Variants in DIAPH3 observed in about 807,000 individuals in gnomAD.
DIAPH3 encodes protein diaphanous homolog 3.
A neutral mutation model predicts 144.3 loss-of-function variants in DIAPH3; 117 were observed. The observed-to-expected ratio is 0.81, with a 90% CI of 0.70 to 0.95. DIAPH3 has a LOEUF of 0.95. Ranked by LOEUF, DIAPH3 falls within the 40% of genes least tolerant of loss-of-function variation. DIAPH3 has a pLI of 0.00. For missense variants in DIAPH3, 1,421 were observed against 1,412.7 expected, an observed-to-expected ratio of 1.01 and a Z score of -0.09; for synonymous variants, 519 against 488.9, an observed-to-expected ratio of 1.06 and a Z score of -0.81.
chr13:59,747,388 T>C (rs1566254294), intron 27 of DIAPH3, among the ~76,000 whole-genome samples: 1 of 152,222 alleles, frequency 6.6e-6, no homozygotes, highest in Non-Finnish European at 1.5e-5. Flanking sequence ...TACACCCGTA[T>C]GTTGCTAGAA....
chr13:59,895,230 G>A (rs1304181107), intron 20 of DIAPH3, among the ~76,000 whole-genome samples: 1 of 152,040 alleles, frequency 6.6e-6, no homozygotes, highest in African/African-American at 2.4e-5. Flanking sequence ...TTTGGTAGTG[G>A]TGATGCTGGT....
At chr13:59,719,660 G>A (rs1423483249) in intron 27 of DIAPH3, among the ~76,000 whole-genome samples, 1 of 152,054 alleles carries the variant, frequency 6.6e-6, no homozygotes, top group African/African-American at 2.4e-5. Flanking sequence ...CCTTCTTGGT[G>A]TTGGAGAAAG....
At chr13:59,721,679 A>C (rs2035353169) in intron 27 of DIAPH3, among the ~76,000 whole-genome samples, 1 of 152,178 alleles carries the variant, frequency 6.6e-6, no homozygotes, top group Non-Finnish European at 1.5e-5. Context: ...GATACTTTTC[A>C]TTTTATGTTC....
intron 25 of DIAPH3, among the ~76,000 whole-genome samples, chr13:59,806,323 T>A (rs2040189035): frequency 6.6e-6 from 1 of 151,950 alleles, no homozygotes; most frequent in African/African-American, 2.4e-5. Context: ...ATATAACACC[T>A]GCGAAGAAAA....
At chr13:59,831,407 T>C (rs975818692) in intron 24 of DIAPH3, among the ~76,000 whole-genome samples, 4 of 151,860 alleles carry the variant, frequency 2.6e-5, no homozygotes, top group African/African-American at 7.2e-5. Context: ...AAGTTTCCCA[T>C]TGCCCTCTCT....
chr13:60,091,914 T>A (rs1435566045), intron 4 of DIAPH3, among the ~76,000 whole-genome samples: 1 of 150,560 alleles, frequency 6.6e-6, no homozygotes, highest in Non-Finnish European at 1.5e-5. Context: ...GTGATCGAAG[T>A]TCACTGCAGC....
chr13:59,728,255 G>A (rs1463592273), intron 27 of DIAPH3, among the ~76,000 whole-genome samples: 1 of 151,046 alleles, frequency 6.6e-6, no homozygotes, highest in Non-Finnish European at 1.5e-5. Flanking sequence ...TTGCTTATTT[G>A]CTTTTCCATT....
intron 17 of DIAPH3, among the ~76,000 whole-genome samples, chr13:59,966,652 G>A (rs1036874429): frequency 1.3e-5 from 2 of 152,102 alleles, no homozygotes; most frequent in African/African-American, 4.8e-5. Context: ...AACAAATAAA[G>A]TCTACATGAC....
intron 4 of DIAPH3, among the ~76,000 whole-genome samples, chr13:60,075,389 C>T (rs1355520404): frequency 6.6e-6 from 1 of 152,162 alleles, no homozygotes; most frequent in African/African-American, 2.4e-5. Context: ...CCCTCTCTCT[C>T]TCTCCTTCGC....
At chr13:60,081,229 TG>T (rs1312415633) in intron 4 of DIAPH3, among the ~76,000 whole-genome samples, 1 of 151,986 alleles carries the variant, frequency 6.6e-6, no homozygotes, top group Non-Finnish European at 1.5e-5. Flanking sequence ...TGCATAACTT[TG>T]AAACTACATA....
chr13:59,672,306 TC>T (rs1446410307), intron 27 of DIAPH3, among the ~76,000 whole-genome samples: 2 of 152,154 alleles, frequency 1.3e-5, no homozygotes, highest in African/African-American at 4.8e-5. Context: ...GTGCCAACTC[TC>T]AGATGAAGTA....
chr13:59,812,735 G>A (rs940632427), intron 24 of DIAPH3, among the ~76,000 whole-genome samples: 5 of 152,082 alleles, frequency 3.3e-5, no homozygotes, highest in African/African-American at 1.2e-4. Context: ...TATAAGATGA[G>A]GTCAGGGAGG....
intron 25 of DIAPH3, among the ~76,000 whole-genome samples, chr13:59,808,766 T>C (rs1401972939): frequency 2.0e-5 from 3 of 152,132 alleles, no homozygotes; most frequent in Non-Finnish European, 4.4e-5. Context: ...CATTCAAAAG[T>C]TCAGCAACAT....
chr13:59,690,048 G>A (rs1593585881), intron 27 of DIAPH3, among the ~76,000 whole-genome samples: 1 of 151,992 alleles, frequency 6.6e-6, no homozygotes, highest in Non-Finnish European at 1.5e-5. Context: ...ATGTGTTTTC[G>A]ACTTGCTCAT....
intron 27 of DIAPH3, among the ~76,000 whole-genome samples, chr13:59,766,954 G>A (rs1213726771): frequency 1.3e-5 from 2 of 152,044 alleles, no homozygotes. Context: ...TTTTGTACCT[G>A]GCCTTTCTGA....
intron 27 of DIAPH3, among the ~76,000 whole-genome samples, chr13:59,703,009 TCTGGCA>T (rs1196493041): frequency 6.6e-6 from 1 of 152,164 alleles, no homozygotes; most frequent in African/African-American, 2.4e-5. Flanking sequence ...ACTACCAATG[TCTGGCA>T]CTCTCTATCC....
At chr13:59,822,427 A>AATTTATTT (rs1006513626) in intron 24 of DIAPH3, among the ~76,000 whole-genome samples, 1 of 151,794 alleles carries the variant, frequency 6.6e-6, no homozygotes, top group African/African-American at 2.4e-5. Flanking sequence ...ATATGAACCT[A>AATTTATTT]ATTTATTTAT....
At chr13:59,848,043 T>C (rs543849835) in intron 22 of DIAPH3, among the ~76,000 whole-genome samples, 13 of 152,344 alleles carry the variant, frequency 8.5e-5, no homozygotes, top group Admixed American at 6.5e-4. Flanking sequence ...CGCATCTTGC[T>C]GGTTCTAACC....
intron 27 of DIAPH3, among the ~76,000 whole-genome samples, chr13:59,667,887 T>G (rs1050610340): frequency 6.6e-6 from 1 of 152,352 alleles, no homozygotes; most frequent in Non-Finnish European, 1.5e-5. Flanking sequence ...GTGTGTTTTA[T>G]GTGAGTGCTG....
Sources: allele counts gnomAD v4.1 joint callset (sites outside exome capture counted in the v4.1 genomes callset), GRCh38; gene constraint gnomAD v4.1.1; transcripts MANE v1.5; gene names NCBI Gene and HGNC (gene_info 2026-07-23, HGNC 2026-07-21).